Variants in ZDHHC11B observed in about 807,000 individuals in gnomAD.
ZDHHC11B encodes the protein zDHHC palmitoyltransferase 11B (putative), also known as probable palmitoyltransferase ZDHHC11B.
A neutral mutation model predicts 42.3 loss-of-function variants in ZDHHC11B; 17 were observed. The observed-to-expected ratio is 0.40, with a 90% CI of 0.27 to 0.60. ZDHHC11B has a LOEUF of 0.60. Ranked by LOEUF, ZDHHC11B falls within the 20% of genes least tolerant of loss-of-function variation. The pLI is 0.41. For synonymous variants in ZDHHC11B, 123 were observed against 193.5 expected (o/e 0.64, Z 3.02); for missense variants, 262 against 463.2 (o/e 0.57, Z 3.99).
At chr5:742,199 G>C (rs147564775) in intron 9 of ZDHHC11B, among the ~76,000 whole-genome samples, 1 of 136,866 alleles carries the variant, frequency 7.3e-6, no homozygotes, top group African/African-American at 2.7e-5. Context: ...GTTCAGGCTG[G>C]TCTTGAACTC....
At chr5:762,657 G>C (rs1177719926) in intron 4 of ZDHHC11B, among the ~76,000 whole-genome samples, 1 of 151,770 alleles carries the variant, frequency 6.6e-6, no homozygotes, top group Middle Eastern at 3.2e-3. Context: ...GCCCGGGTCT[G>C]TGCATGTGCT....
intron 4 of ZDHHC11B, among the ~76,000 whole-genome samples, chr5:764,421 G>T (rs1387716702): frequency 4.6e-5 from 7 of 151,534 alleles, no homozygotes; most frequent in Admixed American, 6.6e-5. Context: ...CACTAGTTCG[G>T]GGTGGGCATG....
At chr5:783,463 C>T (rs1205935864) in intron 1 of ZDHHC11B, among the ~76,000 whole-genome samples, 4 of 152,298 alleles carry the variant, frequency 2.6e-5, no homozygotes, top group African/African-American at 9.6e-5. Context: ...GGAGACCTCT[C>T]CCCCTGAGAA....
chr5:767,257 G>A, intron 3 of ZDHHC11B, 135 bp downstream of exon 3: 6 of 1,094,998 alleles, frequency 5.5e-6, no homozygotes, highest in South Asian at 1.5e-5. Flanking sequence ...AAAGCAACGG[G>A]AAGACCTGAG....
chr5:763,822 A>C (rs1211831386), intron 4 of ZDHHC11B, among the ~76,000 whole-genome samples: 2 of 151,910 alleles, frequency 1.3e-5, no homozygotes, highest in African/African-American at 4.8e-5. Flanking sequence ...TTTGTTAGAC[A>C]CAAACTGGAG....
intron 1 of ZDHHC11B, among the ~76,000 whole-genome samples, chr5:772,435 G>C (rs1205413539): frequency 6.6e-6 from 1 of 151,890 alleles, no homozygotes; most frequent in African/African-American, 2.4e-5. Context: ...GAGGAAAAAT[G>C]CTTCGGGCTG....
At chr5:771,168 G>A (rs1362573615) in intron 1 of ZDHHC11B, among the ~76,000 whole-genome samples, 1 of 151,854 alleles carries the variant, frequency 6.6e-6, no homozygotes, top group East Asian at 1.9e-4. Flanking sequence ...CCAACCCTGG[G>A]ACTCACGAAG....
At position 777,311 on chromosome 5, in the gene ZDHHC11B, A is replaced by G. The variant is rs537815897; in HGVS notation, c.-230+7357T>C. 7.1e-4 allele frequency among the ~76,000 whole-genome samples: 108 copies of G among 151,664 alleles called. 3 individuals are homozygous for G. The highest frequency in any genetic ancestry group is 2.0e-3 in the Admixed American group (30 of 15,194). On this transcript the variant is annotated intron_variant, in intron 1 of 13. Transcript: ENST00000508859. Reference sequence around the variant, plus strand: ...CCTAGTCTCGCCGGCTTCAATTCAGACCTCAGTGGTGAGTGTTACTTACGC... The same window carrying G: ...CCTAGTCTCGCCGGCTTCAATTCAGGCCTCAGTGGTGAGTGTTACTTACGC...
chr5:777,900 G>C (rs1198799520), intron 1 of ZDHHC11B, among the ~76,000 whole-genome samples: 1 of 151,432 alleles, frequency 6.6e-6, no homozygotes, highest in Non-Finnish European at 1.5e-5. Flanking sequence ...AGCACCGAGG[G>C]AGCCCGGGGC....
intron 10 of ZDHHC11B, among the ~76,000 whole-genome samples, chr5:737,502 A>G (rs1344609790): frequency 2.0e-5 from 3 of 149,230 alleles, no homozygotes; most frequent in Non-Finnish European, 4.4e-5. Flanking sequence ...TAGCAAAAAG[A>G]GAAAACTACA....
At chr5:729,057 T>A (rs1428897117) in intron 12 of ZDHHC11B, among the ~76,000 whole-genome samples, 1 of 149,262 alleles carries the variant, frequency 6.7e-6, no homozygotes, top group Admixed American at 6.7e-5. Flanking sequence ...GCAGCTGGGT[T>A]GGGAGGATGA....
rs1283344875 is a variant in ZDHHC11B, at chr5:765,857, G to A, written c.222+841C>T. Reference sequence around the variant, plus strand: ...GTAACACTCACCGCGAGGGTCTGCGGCTTCATTCTTGAAGTTGGTGAGACC... The same window carrying A: ...GTAACACTCACCGCGAGGGTCTGCGACTTCATTCTTGAAGTTGGTGAGACC... On this transcript the variant is annotated intron_variant, in intron 4 of 13. Coordinates refer to ENST00000508859, the MANE Select transcript of ZDHHC11B (RefSeq NM_001351303.2). Among the ~76,000 whole-genome samples, 2 of 151,914 alleles carry A rather than the reference G, an allele frequency of 1.3e-5. 1 individual carries two copies. The highest frequency in any genetic ancestry group is 4.8e-5 in the African/African-American group (2 of 41,334).
At chr5:718,072 AAAAAG>A (rs1198072767) in intron 12 of ZDHHC11B, among the ~76,000 whole-genome samples, 1 of 151,904 alleles carries the variant, frequency 6.6e-6, no homozygotes, top group Non-Finnish European at 1.5e-5. Context: ...TACTGAGAAT[AAAAAG>A]AAAAGAAAAT....
intron 9 of ZDHHC11B, among the ~76,000 whole-genome samples, chr5:741,917 C>CTA (rs199660061): frequency 2.3e-5 from 2 of 86,836 alleles, no homozygotes; most frequent in South Asian, 4.8e-4. Context: ...TTAACTCCCA[C>CTA]GCAGGAGACT....
chr5:766,118 G>T (rs1448675729), intron 4 of ZDHHC11B, among the ~76,000 whole-genome samples: 2 of 151,850 alleles, frequency 1.3e-5, no homozygotes, highest in East Asian at 1.9e-4. Context: ...GAGCCCACAT[G>T]CCCCATGGAC....
rs1156542952 is a variant in ZDHHC11B at position 763,954 on chromosome 5, C to T, written c.222+2744G>A. Among the ~76,000 whole-genome samples, 13 of 152,010 alleles carry T rather than the reference C, an allele frequency of 8.6e-5. No individual in the cohort carries two copies. The East Asian group carries it at 9.6e-4, about 11-fold the overall frequency. ...TGTTGAAGCAGGTGACTGGCACCTG[C>T]GGGTCCGCTTGACTGTACTCTCTAC... is the stretch of plus-strand genomic sequence containing the variant. On this transcript the variant is annotated intron_variant, in intron 4 of 13. Transcript: ENST00000508859.
chr5:777,711 T>C (rs1168850502), intron 1 of ZDHHC11B, among the ~76,000 whole-genome samples: 6 of 151,904 alleles, frequency 3.9e-5, no homozygotes, highest in African/African-American at 1.2e-4. Flanking sequence ...AGCCTTTAGC[T>C]AGACATAAAA....
rs545429584 is a variant in ZDHHC11B at position 727,798 on chromosome 5, GA to G, written c.1058+2635del. On this transcript the variant is annotated intron_variant, in intron 12 of 13. Transcript: ENST00000508859. ...TGCAAAAATAAGTTGAAGATGGCTT[GA>G]AAATCAAAATATAAGGAAAGTCAAA... Among the ~76,000 whole-genome samples the G allele has an allele frequency of 6.5e-3, 966 of 149,236 alleles. 11 individuals are homozygous for G. Among genetic ancestry groups the G allele is most frequent in the Middle Eastern group, 0.021 (6 of 292 alleles).
At chr5:769,466 C>G (rs1202037086) in intron 1 of ZDHHC11B, among the ~76,000 whole-genome samples, 1 of 150,930 alleles carries the variant, frequency 6.6e-6, no homozygotes, top group African/African-American at 2.4e-5. Flanking sequence ...TAGATCAGCC[C>G]GTTTCTATCC....
Sources: gnomAD v4.1 joint callset for allele counts (sites outside exome capture counted in the v4.1 genomes callset) on GRCh38, gnomAD v4.1.1 for gene constraint, MANE v1.5 for transcripts, NCBI Gene and HGNC (gene_info 2026-07-23, HGNC 2026-07-21) for gene names.